TBC1D2B: variants seen among roughly 807,000 people sequenced by gnomAD.
TBC1D2B encodes the protein TBC1 domain family, member 2B.
Under a neutral mutation model 100.8 loss-of-function variants are expected in TBC1D2B, and 64 were observed. That is an observed-to-expected ratio of 0.64 (90% CI 0.52 to 0.78). The LOEUF (loss-of-function observed/expected upper bound fraction) is 0.78, where lower values mean the gene tolerates loss of function less well. Among genes scored for constraint, TBC1D2B ranks in the 30% least tolerant of loss-of-function variants. The pLI is 0.00. For synonymous variants in TBC1D2B, 480 were observed against 479.7 expected (o/e 1.00, Z -0.01); for missense variants, 1,052 against 1,218.4 (o/e 0.86, Z 2.03).
chr15:78,011,260 A>C (rs1349337431), intron 9 of TBC1D2B, among the ~76,000 whole-genome samples: 3 of 152,090 alleles, frequency 2.0e-5, no homozygotes, highest in Non-Finnish European at 2.9e-5. Context: ...ATAACATTCC[A>C]GCTTAAAATC....
At chr15:78,052,636 G>T (rs1383307970) in intron 2 of TBC1D2B, among the ~76,000 whole-genome samples, 1 of 152,170 alleles carries the variant, frequency 6.6e-6, no homozygotes, top group African/African-American at 2.4e-5. Context: ...CCTCCTTTCG[G>T]TTTAATATCC....
chr15:78,004,466 C>T (rs1256719451), intron 10 of TBC1D2B, among the ~76,000 whole-genome samples: 3 of 152,178 alleles, frequency 2.0e-5, no homozygotes, highest in African/African-American at 4.8e-5. Flanking sequence ...GACACCCCTG[C>T]GTCACACTGA....
intron 2 of TBC1D2B, 24 bp downstream of exon 2, chr15:78,054,010 A>C (rs1567031040): frequency 1.9e-6 from 3 of 1,602,932 alleles, no homozygotes; most frequent in Non-Finnish European, 2.6e-6. Flanking sequence ...GAACTGACCC[A>C]GCTCCCCTTT....
chr15:78,054,232 T>C (rs1053342955), intron 1 of TBC1D2B, 45 bp from the exon 2 acceptor site: 13 of 1,573,454 alleles, frequency 8.3e-6, no homozygotes, highest in South Asian at 1.2e-5. Context: ...ACCAGTAATA[T>C]GAAGAGCTTA....
At chr15:78,028,326 T>A (rs1043941037) in intron 4 of TBC1D2B, among the ~76,000 whole-genome samples, 1 of 151,984 alleles carries the variant, frequency 6.6e-6, no homozygotes, top group African/African-American at 2.4e-5. Flanking sequence ...AATAAAAAAA[T>A]TAGCCAGGCA....
chr15:78,002,952 A>C, intron 11 of TBC1D2B: 1 of 166,398 alleles, frequency 6.0e-6, no homozygotes, highest in South Asian at 1.6e-4. Flanking sequence ...CCCCCTCATT[A>C]GCCCCCCTAA....
Position 78,025,274 on chromosome 15 carries a change from G to T in TBC1D2B, c.1071C>A (p.Asp357Glu), listed in dbSNP as rs754398822. 5.6e-6 allele frequency: 9 copies of T among 1,613,470 alleles called. No individual in the cohort carries two copies. In the Admixed American group the frequency reaches 1.3e-4, roughly 24 times the overall value. ...QQEELEQLKK[D>E]LSSQKELVRL... The stretch of plus-strand genomic sequence containing the variant: ...AAGAAGTTACCTTCTGACTGGACAG[G>T]TCTTTCTTTAACTGTTCCAGCTCTT... Residue 357 changes from aspartate (D) to glutamate (E), a missense_variant, in exon 5 of 13, where the codon GAC (aspartate) becomes GAA (glutamate). By Grantham distance (45) the Asp-to-Glu change is conservative. This residue lies in a region of TBC1D2B where 627 missense variants were observed against 646.1 expected (regional missense o/e 0.97). Transcript: ENST00000300584.
intron 6 of TBC1D2B, among the ~76,000 whole-genome samples, chr15:78,020,610 T>A (rs908748627): frequency 2.6e-5 from 4 of 152,206 alleles, no homozygotes; most frequent in African/African-American, 9.7e-5. Flanking sequence ...TCAGAGGTCC[T>A]AAGTGGTGAT....
chr15:78,074,300 G>A (rs2141852031), intron 1 of TBC1D2B, among the ~76,000 whole-genome samples: 1 of 152,174 alleles, frequency 6.6e-6, no homozygotes, highest in South Asian at 2.1e-4. Context: ...TGGGATTACA[G>A]GCATGAGCCA....
At chr15:78,063,949 G>A (rs1463259251) in intron 1 of TBC1D2B, among the ~76,000 whole-genome samples, 1 of 151,956 alleles carries the variant, frequency 6.6e-6, no homozygotes, top group Non-Finnish European at 1.5e-5. Context: ...AACTGGACTT[G>A]CTGTCTCAGT....
intron 3 of TBC1D2B, among the ~76,000 whole-genome samples, 163 bp downstream of exon 3, chr15:78,044,737 G>A (rs1305627417): frequency 6.6e-6 from 1 of 152,210 alleles, no homozygotes. Context: ...GAATAAGCAT[G>A]TAATACAAGC....
At chr15:78,016,512 G>A (rs1434065981) in intron 8 of TBC1D2B, 34 bp downstream of exon 8, 2 of 1,597,876 alleles carry the variant, frequency 1.3e-6, no homozygotes, top group African/African-American at 1.3e-5. Context: ...CAGAAATGGG[G>A]TGCACTACCC....
chr15:78,001,915 T>C (rs778071830), intron 11 of TBC1D2B, 175 bp from the exon 12 acceptor site: 13 of 608,026 alleles, frequency 2.1e-5, no homozygotes, highest in Non-Finnish European at 3.2e-5. Flanking sequence ...AGGCCAAGAC[T>C]CCTTTATTAC....
chr15:78,024,841 A>G (rs139789272), intron 5 of TBC1D2B, among the ~76,000 whole-genome samples: 1 of 152,354 alleles, frequency 6.6e-6, no homozygotes, highest in African/African-American at 2.4e-5. Context: ...GTGCTCTAAG[A>G]GTCACTGAAC....
chr15:78,030,252 A>AT, intron 3 of TBC1D2B, 82 bp from the exon 4 acceptor site: 1 of 1,202,360 alleles, frequency 8.3e-7, no homozygotes, highest in African/African-American at 1.6e-5. Context: ...ATTGGCAAAA[A>AT]TTTAAATATC....
intron 9 of TBC1D2B, among the ~76,000 whole-genome samples, chr15:78,011,644 GGT>G (rs559156432): frequency 0.22 from 28,298 of 127,114 alleles, 3,983 homozygotes; most frequent in South Asian, 0.32. Context: ...CTAATTTTTT[GGT>G]TTTTTTTTTT....
chr15:78,067,675 T>C (rs2073680965), intron 1 of TBC1D2B, among the ~76,000 whole-genome samples: 1 of 152,168 alleles, frequency 6.6e-6, no homozygotes, highest in African/African-American at 2.4e-5. Context: ...AGCACTGGCC[T>C]AGGAAAGGGG....
intron 2 of TBC1D2B, among the ~76,000 whole-genome samples, chr15:78,051,334 T>C (rs1489328313): frequency 1.3e-5 from 2 of 152,214 alleles, no homozygotes; most frequent in African/African-American, 4.8e-5. Flanking sequence ...CAGTTTCCCA[T>C]TTGATCTTTA....
At chr15:78,029,831 A>G (rs1555419864) in intron 4 of TBC1D2B, among the ~76,000 whole-genome samples, 176 bp downstream of exon 4, 1 of 152,212 alleles carries the variant, frequency 6.6e-6, no homozygotes, top group South Asian at 2.1e-4. Context: ...TTTATTTCTT[A>G]TAACGTTTAT....
Sources: gnomAD v4.1 joint callset for allele counts (sites outside exome capture counted in the v4.1 genomes callset) on GRCh38, gnomAD v4.1.1 for gene constraint, gnomAD v4.1.1 regional missense constraint, MANE v1.5 for transcripts, NCBI Gene and HGNC (gene_info 2026-07-23, HGNC 2026-07-21) for gene names.